The following OR2C1 variants were observed in gnomAD, a reference collection of about 807,000 sequenced individuals.
The protein encoded by OR2C1 is olfactory receptor family 2 subfamily C member 1.
For missense variants in OR2C1, 468 were observed against 388.3 expected (o/e 1.21, Z -1.73); for synonymous variants, 209 against 167.3 (o/e 1.25, Z -1.92).
downstream of OR2C1, chr16:3,357,394 G>T (rs963463633): frequency 1.9e-5 from 3 of 156,688 alleles, no homozygotes; most frequent in African/African-American, 7.3e-5. Context: ...TTTTTTAAGA[G>T]TTGGAGTCTT....
the OR2C1 span, among the ~76,000 whole-genome samples, chr16:3,342,520 C>A: frequency 6.6e-6 from 1 of 151,974 alleles, no homozygotes; most frequent in African/African-American, 2.4e-5. Context: ...GAGTTCGAGA[C>A]CAGTCAGGCC....
chr16:3,355,480 A>G (rs966067053), upstream of OR2C1, among the ~76,000 whole-genome samples: 2 of 137,992 alleles, frequency 1.4e-5, no homozygotes, highest in Admixed American at 7.2e-5. Flanking sequence ...AAAGCTTGCA[A>G]TCTTAAAAAG....
At position 3,356,938 on chromosome 16, in the gene OR2C1, C is replaced by T. The variant is rs2030691788; in HGVS notation, c.*59C>T. 7.3e-7 allele frequency: 1 copy of T among 1,367,578 alleles called. No homozygotes were observed. 84.7% of individuals were successfully genotyped at this position (1,367,578 alleles called of 1,614,324 possible). A position where few individuals can be genotyped will look rare whatever the true frequency, so the allele number is the denominator to read the frequency against. ...TCTCTACATGCGTTTCTCATTAACTCTCTCTGGCCAGGTGAACATGAGGAA... is the reference window on the plus strand; with the variant it reads ...TCTCTACATGCGTTTCTCATTAACTTTCTCTGGCCAGGTGAACATGAGGAA... On this transcript the variant is annotated 3_prime_UTR_variant, in exon 1 of 1. Transcript: ENST00000304936.
the OR2C1 span, among the ~76,000 whole-genome samples, chr16:3,327,598 GA>G: frequency 9.3e-5 from 14 of 151,072 alleles, no homozygotes; most frequent in Admixed American, 6.7e-5. Flanking sequence ...GAGTGGTCCG[GA>G]AGGGATACTA....
chr16:3,342,456 A>T, the OR2C1 span, among the ~76,000 whole-genome samples: 1 of 152,156 alleles, frequency 6.6e-6, no homozygotes, highest in Non-Finnish European at 1.5e-5. Context: ...AATGGCTCAC[A>T]CTTGTAATCC....
the OR2C1 span, among the ~76,000 whole-genome samples, chr16:3,333,210 CATTTTTTTTTTTTT>C: frequency 1.2e-4 from 4 of 33,030 alleles, no homozygotes; most frequent in Non-Finnish European, 2.0e-4. Flanking sequence ...ATCTTTTGCC[CATTTTTTTTTTTTT>C]TTTTTTTTTT....
At chr16:3,350,452 C>A in the OR2C1 span, among the ~76,000 whole-genome samples, 6 of 151,120 alleles carry the variant, frequency 4.0e-5, no homozygotes, top group African/African-American at 1.5e-4. Context: ...TGCTCTGTCG[C>A]CCAGGCTGGA....
the OR2C1 span, among the ~76,000 whole-genome samples, chr16:3,349,392 C>G: frequency 1.3e-5 from 2 of 152,018 alleles, no homozygotes; most frequent in East Asian, 3.9e-4. Context: ...CAGAGCCAGC[C>G]ACAGCAAGCC....
At chr16:3,345,308 C>T in the OR2C1 span, among the ~76,000 whole-genome samples, 1 of 151,906 alleles carries the variant, frequency 6.6e-6, no homozygotes, top group South Asian at 2.1e-4. Context: ...CATGGTGAAA[C>T]CCCGTCTCTA....
At chr16:3,343,997 T>A in the OR2C1 span, among the ~76,000 whole-genome samples, 1 of 152,070 alleles carries the variant, frequency 6.6e-6, no homozygotes, top group Non-Finnish European at 1.5e-5. Context: ...TGTGGGGGGA[T>A]CACTTGAGGT....
At chr16:3,330,085 T>C in the OR2C1 span, among the ~76,000 whole-genome samples, 1 of 149,254 alleles carries the variant, frequency 6.7e-6, no homozygotes, top group African/African-American at 2.4e-5. Context: ...AAAAAGTGTG[T>C]TTGTTTTTGT....
At chr16:3,327,729 T>C in the OR2C1 span, among the ~76,000 whole-genome samples, 1 of 152,066 alleles carries the variant, frequency 6.6e-6, no homozygotes, top group African/African-American at 2.4e-5. Flanking sequence ...CATCGGTTAA[T>C]TAGTGGTTTC....
At chr16:3,346,974 G>A in the OR2C1 span, among the ~76,000 whole-genome samples, 1 of 150,324 alleles carries the variant, frequency 6.7e-6, no homozygotes, top group Non-Finnish European at 1.5e-5. Context: ...GCCAGTCGCG[G>A]TGGCTCACAC....
At chr16:3,327,404 G>C in the OR2C1 span, among the ~76,000 whole-genome samples, 1 of 152,078 alleles carries the variant, frequency 6.6e-6, no homozygotes, top group South Asian at 2.1e-4. Flanking sequence ...ACTCAGTGGA[G>C]GACCTCTGTC....
the OR2C1 span, among the ~76,000 whole-genome samples, chr16:3,335,498 T>C: frequency 1.3e-5 from 2 of 151,512 alleles, no homozygotes; most frequent in African/African-American, 2.4e-5. Context: ...TTGTGTGTTA[T>C]TGGCATATAT....
downstream of OR2C1, among the ~76,000 whole-genome samples, chr16:3,357,489 T>G (rs3848355): frequency 0.48 from 72,417 of 151,958 alleles, 18,405 homozygotes; most frequent in East Asian, 0.72. Flanking sequence ...TCCTTCAGTC[T>G]TCTGAGTAGC....
chr16:3,330,680 C>A, the OR2C1 span, among the ~76,000 whole-genome samples: 2 of 152,050 alleles, frequency 1.3e-5, no homozygotes, highest in Admixed American at 6.6e-5. Context: ...ATTAGTATAT[C>A]TGTCACATTA....
the OR2C1 span, among the ~76,000 whole-genome samples, chr16:3,336,778 T>C: frequency 1.1e-4 from 16 of 143,604 alleles, no homozygotes; most frequent in Non-Finnish European, 9.1e-5. Context: ...GCATGATCTC[T>C]GCTCACTGCA....
At chr16:3,345,734 T>G in the OR2C1 span, among the ~76,000 whole-genome samples, 1 of 151,220 alleles carries the variant, frequency 6.6e-6, no homozygotes, top group Non-Finnish European at 1.5e-5. Flanking sequence ...CCTTCTTCCC[T>G]TCCTCTCTTT....
Sources: allele counts gnomAD v4.1 joint callset (sites outside exome capture counted in the v4.1 genomes callset), GRCh38; gene constraint gnomAD v4.1.1; transcripts MANE v1.5; gene names NCBI Gene and HGNC (gene_info 2026-07-23, HGNC 2026-07-21).